PEMT: variants seen among roughly 807,000 people sequenced by gnomAD.
PEMT encodes phospholipid methyltransferase.
PEMT carries 23 observed loss-of-function variants against 27.4 expected under a neutral mutation model. The observed-to-expected ratio is 0.84, with a 90% CI of 0.60 to 1.19. The LOEUF (loss-of-function observed/expected upper bound fraction) is 1.19. PEMT is among the 50% of genes most tolerant of loss of function. The probability of loss-of-function intolerance (pLI) is 0.00; values close to 1 mark genes in which losing one functional copy is unlikely to be tolerated. For missense variants in PEMT, 307 were observed against 310.1 expected (o/e 0.99, Z 0.07); for synonymous variants, 137 against 139.1 (o/e 0.98, Z 0.11).
intron 2 of PEMT, among the ~76,000 whole-genome samples, chr17:17,572,405 T>G (rs1398938600): frequency 6.6e-6 from 1 of 152,146 alleles, no homozygotes; most frequent in East Asian, 1.9e-4. Context: ...TCCGTCCTGC[T>G]CCTCCATTCT....
chr17:17,575,085 C>A (rs767809170), intron 2 of PEMT, among the ~76,000 whole-genome samples: 1 of 152,236 alleles, frequency 6.6e-6, no homozygotes, highest in African/African-American at 2.4e-5. Context: ...TCAGTTACCA[C>A]TGGGCCAAAA....
rs533762518 is a variant in PEMT at position 17,581,017 on chromosome 17, G to A, written c.97-3990C>T. ...GAGCCCCGCTCAGCTAGGGGAAAGG[G>A]GAAAGCAGGAAAGGCCTAGGGACAC... On this transcript the variant is annotated intron_variant, in intron 1 of 6. Transcript: ENST00000255389. 7.9e-5 allele frequency among the ~76,000 whole-genome samples: 12 copies of A among 152,300 alleles called. 1 individual carries two copies. Among genetic ancestry groups the A allele is most frequent in the South Asian group, 6.2e-4 (3 of 4,822 alleles).
At chr17:17,550,287 G>A (rs576974833) in intron 2 of PEMT, among the ~76,000 whole-genome samples, 28 of 152,364 alleles carry the variant, frequency 1.8e-4, no homozygotes, top group African/African-American at 5.8e-4. Flanking sequence ...AGGGCCTGCT[G>A]CCGCTCGGTT....
Position 17,509,554 on chromosome 17 carries a change from G to A in PEMT, c.467-9C>T. 1 of 1,585,558 alleles carries A rather than the reference G, an allele frequency of 6.3e-7. No individual in the cohort carries two copies. Among genetic ancestry groups the A allele is most frequent in the Non-Finnish European group, 8.7e-7 (1 of 1,154,066 alleles). ...GATCCCGAAGTAATCACCTGTGGAT[G>A]AGGCAAGGCAGGGTCCCTCGGCTAT... is the stretch of plus-strand genomic sequence containing the variant. On this transcript the variant is annotated splice_polypyrimidine_tract_variant and intron_variant, in intron 4 of 6. Coordinates refer to ENST00000255389, the MANE Select transcript of PEMT (RefSeq NM_148172.3).
chr17:17,512,793 G>C lies in PEMT; in HGVS notation c.321-139C>G. 1 of 715,256 alleles carries C rather than the reference G, an allele frequency of 1.4e-6. No individual in the cohort carries two copies. The highest frequency in any genetic ancestry group is 4.5e-5 in the South Asian group (1 of 21,992). The allele number at this position is 715,256 out of a possible 1,614,324, so 44.3% of individuals were successfully genotyped here. On this transcript the variant is annotated intron_variant, in intron 3 of 6. Transcript: ENST00000255389. This position sits in a 1 kb window ranked among gnomAD's most constrained non-coding sequence, Gnocchi z 6.3. ...AGCCCAGGGCTGCCAGGCCAGGCAG[G>C]CAGCAGGTGGGGTCCAGTCCACCTG...
intron 2 of PEMT, chr17:17,570,551 G>C: frequency 4.1e-6 from 4 of 985,326 alleles, no homozygotes; most frequent in South Asian, 9.4e-5. Context: ...TGAGGGAGGG[G>C]ACACCTGACA....
At chr17:17,577,853 T>C (rs1911723027) in intron 1 of PEMT, among the ~76,000 whole-genome samples, 1 of 151,622 alleles carries the variant, frequency 6.6e-6, no homozygotes, top group Admixed American at 6.6e-5. Flanking sequence ...CCATCTCTAC[T>C]AAAAATACAA....
Position 17,582,215 on chromosome 17 carries a change from G to A in PEMT, c.97-5188C>T. On this transcript the variant is annotated intron_variant, in intron 1 of 6. Coordinates refer to ENST00000255389, the MANE Select transcript of PEMT (RefSeq NM_148172.3). This position sits in a 1 kb window ranked among gnomAD's most constrained non-coding sequence, Gnocchi z 4.9. ...ATTCTAATGGAACCCCCACTCCAAG[G>A]CTCCAGGTTGCAGAGGCCTCGGAAT... 1.0e-6 allele frequency: 1 copy of A among 956,358 alleles called. No individual in the cohort carries two copies. Among genetic ancestry groups the A allele is most frequent in the African/African-American group, 1.8e-5 (1 of 56,770 alleles). The allele number at this position is 956,358 out of a possible 1,614,324, so 59.2% of individuals were successfully genotyped here.
intron 2 of PEMT, among the ~76,000 whole-genome samples, chr17:17,530,428 GA>G (rs1908007727): frequency 6.6e-6 from 1 of 152,178 alleles, no homozygotes; most frequent in African/African-American, 2.4e-5. Flanking sequence ...CCCGGAGGCG[GA>G]GGTTGCAGTG....
chr17:17,577,861 C>CA (rs1187012024), intron 1 of PEMT, among the ~76,000 whole-genome samples: 1 of 151,652 alleles, frequency 6.6e-6, no homozygotes, highest in African/African-American at 2.4e-5. Flanking sequence ...ACTAAAAATA[C>CA]AAAAAATTAG....
chr17:17,546,828 T>G (rs1472252506), intron 2 of PEMT, among the ~76,000 whole-genome samples: 1 of 152,268 alleles, frequency 6.6e-6, no homozygotes, highest in African/African-American at 2.4e-5. Context: ...CAACCAAGGC[T>G]GCCTCATTAT....
intron 2 of PEMT, among the ~76,000 whole-genome samples, chr17:17,541,219 C>T (rs1474371226): frequency 6.6e-6 from 1 of 152,238 alleles, no homozygotes. Flanking sequence ...TACAGAAGCA[C>T]CCCATCCTCC....
At chr17:17,536,633 G>A (rs1567695981) in intron 2 of PEMT, among the ~76,000 whole-genome samples, 1 of 152,212 alleles carries the variant, frequency 6.6e-6, no homozygotes. Context: ...GCTGGCTCCT[G>A]TGGGTTTGAG....
rs375594454 is a variant in PEMT, at chr17:17,512,470, C to T, written c.466+39G>A. 7.8e-5 allele frequency: 115 copies of T among 1,477,426 alleles called. No individual in the cohort carries two copies. Among genetic ancestry groups the T allele is most frequent in the East Asian group, 2.5e-5 (1 of 39,478 alleles). 91.5% of individuals were successfully genotyped at this position (1,477,426 alleles called of 1,614,324 possible). ...GCCCTGCACCTCCCTGGGGCTCCAG[C>T]GGTCCTGCTCAGGGTCACCCCAGCC... On this transcript the variant is annotated intron_variant, in intron 4 of 6. Transcript: ENST00000255389. The surrounding 1 kb of genome is among the most constrained non-coding windows in gnomAD (Gnocchi z 6.3).
At chr17:17,537,812 G>T (rs1908592030) in intron 2 of PEMT, among the ~76,000 whole-genome samples, 1 of 152,230 alleles carries the variant, frequency 6.6e-6, no homozygotes, top group Non-Finnish European at 1.5e-5. Context: ...AGTGCCTGCT[G>T]CAGGGCCCAG....
In PEMT at chr17:17,523,642, G is replaced by A. The variant is rs1457013484; in HGVS notation, c.205-1247C>T. 2.0e-5 allele frequency among the ~76,000 whole-genome samples: 3 copies of A among 152,114 alleles called. No individual in the cohort carries two copies. The highest frequency in any genetic ancestry group is 6.6e-5 in the Admixed American group (1 of 15,262). ...CTAGTCCAGGTCTCAGCAGGTGGCC[G>A]CTGCTGACTCTGTGGGAAGCTCAAA... On this transcript the variant is annotated intron_variant, in intron 2 of 6. Coordinates refer to ENST00000255389, the MANE Select transcript of PEMT (RefSeq NM_148172.3). This position sits in a 1 kb window ranked among gnomAD's most constrained non-coding sequence, Gnocchi z 4.8.
In PEMT at chr17:17,561,539, C is replaced by T. The variant is rs188352953; in HGVS notation, c.204+15381G>A. Among the ~76,000 whole-genome samples the T allele has an allele frequency of 4.6e-5, 7 of 152,264 alleles. No individual in the cohort carries two copies. The highest frequency in any genetic ancestry group is 1.9e-4 in the East Asian group (1 of 5,174). ...GCTGGAGGTAGGAAGAGGGAACAGA[C>T]GAGGGTCACTGACGCTGAGCTGGCT... On this transcript the variant is annotated intron_variant, in intron 2 of 6. Coordinates refer to ENST00000255389, the MANE Select transcript of PEMT (RefSeq NM_148172.3). This position sits in a 1 kb window ranked among gnomAD's most constrained non-coding sequence, Gnocchi z 4.5.
chr17:17,549,588 T>C (rs1275250198), intron 2 of PEMT, among the ~76,000 whole-genome samples: 1 of 152,206 alleles, frequency 6.6e-6, no homozygotes, highest in Non-Finnish European at 1.5e-5. Context: ...GGGATTACAG[T>C]CATGGGCCAC....
chr17:17,526,535 C>T (rs1167949229), intron 2 of PEMT, among the ~76,000 whole-genome samples: 1 of 152,220 alleles, frequency 6.6e-6, no homozygotes, highest in South Asian at 2.1e-4. Flanking sequence ...CATGTGAGAG[C>T]GCCCGTCTCT....
Sources: allele counts gnomAD v4.1 joint callset (sites outside exome capture counted in the v4.1 genomes callset), GRCh38; gene constraint gnomAD v4.1.1; non-coding constraint Gnocchi (gnomAD v3.1); transcripts MANE v1.5; gene names NCBI Gene and HGNC (gene_info 2026-07-23, HGNC 2026-07-21).